IGFBP7: variants seen among roughly 807,000 people sequenced by gnomAD.
The protein encoded by IGFBP7 is insulin-like growth factor-binding protein 7.
In IGFBP7, 31 loss-of-function variants were observed where a neutral mutation model predicts 29.4. That is an observed-to-expected ratio of 1.05 (90% confidence interval 0.79 to 1.42). IGFBP7 has a LOEUF of 1.42. Among genes scored for constraint, IGFBP7 ranks in the 40% most tolerant of loss-of-function variants. The probability of loss-of-function intolerance (pLI) is 0.00; values close to 1 mark genes in which losing one functional copy is unlikely to be tolerated. For missense variants in IGFBP7, 393 were observed against 395.5 expected (o/e 0.99, Z 0.05); for synonymous variants, 172 against 174.9 (o/e 0.98, Z 0.13).
rs547374510 is a variant in IGFBP7, at chr4:57,100,737, C to T, written c.475+9140G>A. Among the ~76,000 whole-genome samples, 3 of 152,318 alleles carry T rather than the reference C, an allele frequency of 2.0e-5. No individual in the cohort carries two copies. In the South Asian group the frequency reaches 6.2e-4, roughly 32 times the overall value. On this transcript the variant is annotated intron_variant, in intron 1 of 4. Coordinates refer to ENST00000295666, the MANE Select transcript of IGFBP7 (RefSeq NM_001553.3). Reference sequence around the variant, plus strand: ...TCTTCTGAATCTCTTTTGTTAGAAACTTCTTATTTTGAAATAATTCCGAGT... The same window carrying T: ...TCTTCTGAATCTCTTTTGTTAGAAATTTCTTATTTTGAAATAATTCCGAGT...
chr4:57,057,272 A>G (rs192098927), intron 1 of IGFBP7, among the ~76,000 whole-genome samples: 1 of 152,346 alleles, frequency 6.6e-6, no homozygotes, highest in East Asian at 1.9e-4. Flanking sequence ...GGCCTCCCAA[A>G]GCGTTGGGAT....
intron 1 of IGFBP7, among the ~76,000 whole-genome samples, chr4:57,102,369 G>T (rs1338477033): frequency 6.6e-6 from 1 of 152,164 alleles, no homozygotes; most frequent in Non-Finnish European, 1.5e-5. Context: ...AAGCTGTATA[G>T]TTTAAGAGAT....
chr4:57,093,238 C>T (rs1004375800), intron 1 of IGFBP7, among the ~76,000 whole-genome samples: 48 of 152,206 alleles, frequency 3.2e-4, no homozygotes, highest in Admixed American at 2.0e-3. Flanking sequence ...CAGTGGCTCA[C>T]GCCTATAATC....
intron 1 of IGFBP7, among the ~76,000 whole-genome samples, chr4:57,071,054 C>T (rs1209332987): frequency 3.3e-5 from 5 of 152,210 alleles, no homozygotes; most frequent in East Asian, 1.9e-4. Flanking sequence ...ACTGAAGTCC[C>T]GAGGGTCCAT....
At chr4:57,036,032 G>A (rs1158522679) in intron 2 of IGFBP7, among the ~76,000 whole-genome samples, 1 of 152,078 alleles carries the variant, frequency 6.6e-6, no homozygotes, top group Non-Finnish European at 1.5e-5. Flanking sequence ...GGTTTTTTAA[G>A]TTAACAAAAA....
intron 1 of IGFBP7, among the ~76,000 whole-genome samples, chr4:57,049,563 C>G (rs539117306): frequency 6.6e-6 from 1 of 152,284 alleles, no homozygotes; most frequent in African/African-American, 2.4e-5. Context: ...ATTTGACATT[C>G]TAAGACTGAA....
intron 1 of IGFBP7, among the ~76,000 whole-genome samples, chr4:57,102,009 T>C (rs4590105): frequency 0.98 from 149,594 of 152,332 alleles, 73,506 homozygotes; most frequent in East Asian, 1. Flanking sequence ...CTTAAAAATT[T>C]TTTTGACGAT....
chr4:57,035,580 CT>C (rs1417120737), intron 2 of IGFBP7, among the ~76,000 whole-genome samples: 1 of 152,212 alleles, frequency 6.6e-6, no homozygotes, highest in Non-Finnish European at 1.5e-5. Context: ...CCTGCCTCAG[CT>C]TCCCGAGTAG....
chr4:57,042,926 A>G (rs952375787), intron 1 of IGFBP7, among the ~76,000 whole-genome samples: 2 of 152,194 alleles, frequency 1.3e-5, no homozygotes, highest in African/African-American at 4.8e-5. Flanking sequence ...CAGGACTTCA[A>G]TCCTTTACAC....
intron 1 of IGFBP7, among the ~76,000 whole-genome samples, chr4:57,071,703 G>C (rs990066651): frequency 6.6e-6 from 1 of 152,202 alleles, no homozygotes; most frequent in African/African-American, 2.4e-5. Context: ...GGCATATTTG[G>C]TCATGGAGGC....
intron 1 of IGFBP7, chr4:57,072,697 A>G (rs1045252767): frequency 1.2e-5 from 5 of 409,272 alleles, no homozygotes; most frequent in East Asian, 1.3e-4. Context: ...GCAAAAGGCT[A>G]CAGCAGGAGT....
intron 1 of IGFBP7, among the ~76,000 whole-genome samples, chr4:57,088,030 A>G (rs1218250784): frequency 6.6e-6 from 1 of 152,198 alleles, no homozygotes; most frequent in Non-Finnish European, 1.5e-5. Context: ...GTGCAGTGGC[A>G]CAATCACGGC....
intron 1 of IGFBP7, among the ~76,000 whole-genome samples, chr4:57,073,440 T>C (rs369485965): frequency 9.9e-5 from 15 of 151,338 alleles, no homozygotes; most frequent in African/African-American, 3.6e-4. Context: ...ATAAAAAATG[T>C]AAAAATTAGC....
intron 1 of IGFBP7, among the ~76,000 whole-genome samples, chr4:57,097,188 A>G (rs1725781575): frequency 6.6e-6 from 1 of 152,242 alleles, no homozygotes; most frequent in South Asian, 2.1e-4. Context: ...TCTGAATTCA[A>G]AATGATTCTA....
chr4:57,095,890 T>C (rs1236214782), intron 1 of IGFBP7, among the ~76,000 whole-genome samples: 2 of 152,148 alleles, frequency 1.3e-5, no homozygotes, highest in African/African-American at 4.8e-5. Flanking sequence ...AGTGTGAAGG[T>C]TCCCCTTTCC....
At chr4:57,093,872 G>A (rs1725694820) in intron 1 of IGFBP7, among the ~76,000 whole-genome samples, 1 of 152,134 alleles carries the variant, frequency 6.6e-6, no homozygotes, top group Non-Finnish European at 1.5e-5. Context: ...TTATGTATAA[G>A]CTCATAGAGT....
chr4:57,058,636 A>G (rs765424822), intron 1 of IGFBP7, among the ~76,000 whole-genome samples: 5 of 152,208 alleles, frequency 3.3e-5, no homozygotes, highest in African/African-American at 4.8e-5. Flanking sequence ...ACCCCAAACT[A>G]TAAAAGCCCT....
chr4:57,042,438 C>T (rs901882355), intron 1 of IGFBP7, among the ~76,000 whole-genome samples: 9 of 152,204 alleles, frequency 5.9e-5, no homozygotes, highest in African/African-American at 1.9e-4. Context: ...CAACCTCCGC[C>T]TCCCGGGTTC....
chr4:57,096,888 A>G (rs2084556073), intron 1 of IGFBP7, among the ~76,000 whole-genome samples: 1 of 152,218 alleles, frequency 6.6e-6, no homozygotes, highest in Non-Finnish European at 1.5e-5. Flanking sequence ...AGCTAAGGCT[A>G]CATGTATAAG....
Sources: allele counts gnomAD v4.1 joint callset (sites outside exome capture counted in the v4.1 genomes callset), GRCh38; gene constraint gnomAD v4.1.1; transcripts MANE v1.5; gene names NCBI Gene and HGNC (gene_info 2026-07-23, HGNC 2026-07-21).